The following CALN1 variants were observed in gnomAD, a reference collection of about 807,000 sequenced individuals.
CALN1 encodes the protein calcium-binding protein 8.
Under a neutral mutation model 30.6 loss-of-function variants are expected in CALN1, and 17 were observed. The ratio of observed to expected loss-of-function variants is 0.56; its 90% CI spans 0.38 to 0.83. CALN1 has a LOEUF of 0.83. Ranked by LOEUF, CALN1 falls within the 40% of genes least tolerant of loss-of-function variation. CALN1 has a pLI of 0.00. For missense variants in CALN1, 291 were observed against 354.9 expected (o/e 0.82, Z 1.45); for synonymous variants, 156 against 131.4 (o/e 1.19, Z -1.28).
chr7:71,784,763 G>C lies in CALN1; in HGVS notation c.*3012C>G, dbSNP rs1251490070. The C allele has an allele frequency of 2.5e-6, 1 of 398,522 alleles. No homozygotes were observed. The highest frequency in any genetic ancestry group is 4.4e-6 in the Non-Finnish European group (1 of 226,098). The allele number at this position is 398,522 out of a possible 1,614,324, so 24.7% of individuals were successfully genotyped here. On this transcript the variant is annotated 3_prime_UTR_variant, in exon 7 of 7. Coordinates refer to ENST00000395275, the MANE Select transcript of CALN1 (RefSeq NM_031468.4). Reference sequence around the variant, plus strand: ...CTAAGTCCGGAGGACAGAATGAGGGGTGAGCTATTCCCTCTCAATTCCTGC... The same window carrying C: ...CTAAGTCCGGAGGACAGAATGAGGGCTGAGCTATTCCCTCTCAATTCCTGC...
intron 4 of CALN1, among the ~76,000 whole-genome samples, chr7:72,034,227 G>A (rs1030164971): frequency 4.0e-5 from 6 of 151,748 alleles, no homozygotes; most frequent in Non-Finnish European, 8.8e-5. Context: ...GGTGGCGGGC[G>A]CCTGTAGTCC....
intron 5 of CALN1, among the ~76,000 whole-genome samples, chr7:72,013,279 G>C (rs970836481): frequency 1.7e-5 from 2 of 118,760 alleles, no homozygotes; most frequent in African/African-American, 7.6e-5. Context: ...TTTGAGACAG[G>C]ATCTGGCTGT....
In CALN1 at chr7:71,814,204, C is replaced by T. The variant is rs536108462; in HGVS notation, c.502-3712G>A. On this transcript the variant is annotated intron_variant, in intron 5 of 6. Transcript: ENST00000395275. ...TTCAGAACTGCTCTGAGCCTCTGAC[C>T]GCTATGGGTATCCCATGTTTTGCTT... is the stretch of plus-strand genomic sequence containing the variant. Among the ~76,000 whole-genome samples the T allele has an allele frequency of 7.9e-5, 12 of 152,284 alleles. No individual in the cohort carries two copies. In the South Asian group the frequency reaches 1.7e-3, roughly 21 times the overall value.
At chr7:71,790,329 GGAAAGAAAGAAAGAAAGAAAAGAAAGAAA>G (rs1229102154) in intron 6 of CALN1, among the ~76,000 whole-genome samples, 9 of 98,692 alleles carry the variant, frequency 9.1e-5, no homozygotes, top group African/African-American at 3.4e-4. Context: ...AAAGAAAGAA[GGAAAGAAAGAAAGAAAGAAAAGAAAGAAA>G]GAAAGAAAGA....
chr7:72,096,078 T>TAGAC (rs1554438960), intron 4 of CALN1, among the ~76,000 whole-genome samples: 1 of 151,554 alleles, frequency 6.6e-6, no homozygotes, highest in Non-Finnish European at 1.5e-5. Context: ...GATAGATAGA[T>TAGAC]AGATAGATAG....
intron 5 of CALN1, among the ~76,000 whole-genome samples, chr7:72,014,840 GTT>G (rs1298918920): frequency 6.6e-6 from 1 of 151,750 alleles, no homozygotes; most frequent in Non-Finnish European, 1.5e-5. Flanking sequence ...TTTTGTATTT[GTT>G]TGTAGAGTCA....
At position 72,363,814 on chromosome 7, in the gene CALN1, G is replaced by A. The variant is rs192264458; in HGVS notation, c.119+39437C>T. Among the ~76,000 whole-genome samples, 7 of 129,922 alleles carry A rather than the reference G, an allele frequency of 5.4e-5. No individual in the cohort carries two copies. The East Asian group carries it at 9.5e-4, about 18-fold the overall frequency. The allele number at this position is 129,922 out of a possible 152,430, so 85.2% of individuals were successfully genotyped here. ...CAATCTCGGGCTCACTGCAACCCCC[G>A]CCTCCTGGGTTCAAGTGATTTGCAA... On this transcript the variant is annotated intron_variant, in intron 2 of 6. Transcript: ENST00000395275.
upstream of CALN1, among the ~76,000 whole-genome samples, chr7:72,414,688 G>C (rs1807367749): frequency 6.6e-6 from 1 of 152,178 alleles, no homozygotes; most frequent in Non-Finnish European, 1.5e-5. Context: ...TCTGTAGATG[G>C]GGGAACATGA....
At chr7:72,329,938 A>G (rs1801548430) in intron 2 of CALN1, among the ~76,000 whole-genome samples, 1 of 152,112 alleles carries the variant, frequency 6.6e-6, no homozygotes, top group Non-Finnish European at 1.5e-5. Context: ...TGGGCAACAG[A>G]GCAAGACTCC....
intron 2 of CALN1, among the ~76,000 whole-genome samples, chr7:72,341,554 G>A (rs112747232): frequency 4.8e-5 from 3 of 62,030 alleles, no homozygotes; most frequent in African/African-American, 7.8e-5. Flanking sequence ...ACAAACAAAT[G>A]CCTTGGTAAG....
At chr7:72,269,357 C>G (rs879849171) in intron 3 of CALN1, among the ~76,000 whole-genome samples, 56 of 151,906 alleles carry the variant, frequency 3.7e-4, no homozygotes, top group Non-Finnish European at 5.3e-4. Context: ...ATCCCTCCCC[C>G]CTGCCCCCAC....
At chr7:72,421,878 C>T (rs1291013552) in intron 1 of CALN1, among the ~76,000 whole-genome samples, 2 of 152,130 alleles carry the variant, frequency 1.3e-5, no homozygotes, top group Non-Finnish European at 2.9e-5. Context: ...GAATATATGG[C>T]ATTTGGTTTT....
At chr7:72,372,901 G>A (rs1316889996) in intron 2 of CALN1, among the ~76,000 whole-genome samples, 2 of 152,112 alleles carry the variant, frequency 1.3e-5, no homozygotes, top group Non-Finnish European at 2.9e-5. Context: ...TTTGGGTGAA[G>A]GTAACCAACA....
chr7:72,384,323 A>C (rs1182924710), intron 2 of CALN1, among the ~76,000 whole-genome samples: 1 of 152,230 alleles, frequency 6.6e-6, no homozygotes, highest in Non-Finnish European at 1.5e-5. Context: ...GAACACAGAG[A>C]GAATAAAAAA....
At chr7:71,953,854 G>C (rs947652361) in intron 5 of CALN1, among the ~76,000 whole-genome samples, 3 of 152,030 alleles carry the variant, frequency 2.0e-5, no homozygotes. Context: ...TGTCTCCTGG[G>C]GGGTGAGGGA....
Position 71,882,850 on chromosome 7 carries a change from TTGTGTGTGTGTG to T in CALN1, c.502-72370_502-72359del, listed in dbSNP as rs34870061. Among the ~76,000 whole-genome samples the T allele has an allele frequency of 5.3e-3, 694 of 131,014 alleles. 5 individuals carry two copies. Among genetic ancestry groups the T allele is most frequent in the African/African-American group, 0.016 (559 of 34,722 alleles). The allele number at this position is 131,014 out of a possible 152,430, so 86.0% of individuals were successfully genotyped here. On this transcript the variant is annotated intron_variant, in intron 5 of 6. Transcript: ENST00000395275. ...GGGCATGCCACCATGCCCATCTAAT[TTGTGTGTGTGTG>T]TGTGTGTGTGTGTGTGTGTGTGTGT...
At chr7:71,844,452 C>T (rs2190047) in intron 5 of CALN1, among the ~76,000 whole-genome samples, 61,049 of 152,074 alleles carry the variant, frequency 0.4, 12,615 homozygotes, top group Middle Eastern at 0.51. Context: ...TGGTACCAAG[C>T]ATTACAATAT....
chr7:72,130,347 G>A (rs1044228845), intron 3 of CALN1, among the ~76,000 whole-genome samples: 3 of 152,168 alleles, frequency 2.0e-5, no homozygotes, highest in Admixed American at 1.3e-4. Flanking sequence ...CCTGCAAGAT[G>A]TATTGTTAAA....
chr7:72,278,428 G>T (rs1028630871), intron 3 of CALN1, among the ~76,000 whole-genome samples: 4 of 150,270 alleles, frequency 2.7e-5, no homozygotes, highest in Middle Eastern at 3.3e-3. Flanking sequence ...ACTATCCAAG[G>T]AAACCGAAAT....
Sources: allele counts gnomAD v4.1 joint callset (sites outside exome capture counted in the v4.1 genomes callset), GRCh38; gene constraint gnomAD v4.1.1; transcripts MANE v1.5; gene names NCBI Gene and HGNC (gene_info 2026-07-23, HGNC 2026-07-21).